GRID1: variants seen among roughly 807,000 people sequenced by gnomAD.
GRID1 encodes glutamate ionotropic receptor delta type subunit 1, also known as glutamate receptor ionotropic, delta-1.
Under a neutral mutation model 98.0 loss-of-function variants are expected in GRID1, and 28 were observed. The observed-to-expected ratio is 0.29, with a 90% CI of 0.21 to 0.39. GRID1 has a LOEUF of 0.39. Ranked by LOEUF, GRID1 falls within the 10% of genes least tolerant of loss-of-function variation. GRID1 has a pLI of 1.00. For missense variants in GRID1, 1,111 were observed against 1,340.5 expected, an observed-to-expected ratio of 0.83 and a Z score of 2.67; for synonymous variants, 553 against 538.5, an observed-to-expected ratio of 1.03 and a Z score of -0.37.
chr10:85,790,855 C>G (rs1842471921), intron 8 of GRID1, among the ~76,000 whole-genome samples: 1 of 152,150 alleles, frequency 6.6e-6, no homozygotes, highest in Non-Finnish European at 1.5e-5. Flanking sequence ...TGCACAGGAC[C>G]CTCTCTCCCC....
chr10:85,930,905 G>A lies in GRID1; in HGVS notation c.727-14666C>T, dbSNP rs146861474. On this transcript the variant is annotated intron_variant, in intron 4 of 15. Coordinates refer to ENST00000327946, the MANE Select transcript of GRID1 (RefSeq NM_017551.3). ...CATCCAGACTGGAGTGCAGTGGTGC[G>A]ATCATGACTCACTTCAGCCTTGACC... Among the ~76,000 whole-genome samples the A allele has an allele frequency of 3.3e-3, 502 of 152,090 alleles. 3 individuals carry two copies. Among genetic ancestry groups the A allele is most frequent in the African/African-American group, 0.011 (460 of 41,482 alleles).
At chr10:85,834,616 A>G (rs1480266179) in intron 8 of GRID1, among the ~76,000 whole-genome samples, 1 of 152,210 alleles carries the variant, frequency 6.6e-6, no homozygotes, top group Non-Finnish European at 1.5e-5. Flanking sequence ...GATACTCAGG[A>G]CAATGACATT....
chr10:86,365,139 G>T lies in GRID1; in HGVS notation c.80-1043C>A, dbSNP rs957964237. Among the ~76,000 whole-genome samples the T allele has an allele frequency of 1.3e-5, 2 of 151,932 alleles. No homozygotes were observed. Among genetic ancestry groups the T allele is most frequent in the African/African-American group, 4.8e-5 (2 of 41,344 alleles). On this transcript the variant is annotated intron_variant, in intron 1 of 15. Coordinates refer to ENST00000327946, the MANE Select transcript of GRID1 (RefSeq NM_017551.3). The surrounding 1 kb of genome is among the most constrained non-coding windows in gnomAD (Gnocchi z 4.8). ...GAGCCGGCGCCGCAATGCTGACCGC[G>T]AGACCCGCACCCCTCCAGGGCGGGA...
intron 3 of GRID1, among the ~76,000 whole-genome samples, chr10:86,165,146 AG>A (rs1845380409): frequency 6.6e-6 from 1 of 152,110 alleles, no homozygotes; most frequent in African/African-American, 2.4e-5. Flanking sequence ...TGACCAATAG[AG>A]GAAAAAAAAA....
At chr10:86,105,065 G>A (rs1384663845) in intron 4 of GRID1, among the ~76,000 whole-genome samples, 1 of 152,188 alleles carries the variant, frequency 6.6e-6, no homozygotes, top group Non-Finnish European at 1.5e-5. Flanking sequence ...ACACAAGTTT[G>A]GGATTTTTAA....
chr10:85,863,971 C>T (rs1454013532), intron 6 of GRID1, among the ~76,000 whole-genome samples: 1 of 152,220 alleles, frequency 6.6e-6, no homozygotes, highest in Non-Finnish European at 1.5e-5. Context: ...CCTCCCAACA[C>T]CAAAGCTGGA....
intron 4 of GRID1, among the ~76,000 whole-genome samples, chr10:85,985,247 G>T (rs191070109): frequency 1.4e-3 from 216 of 152,326 alleles, no homozygotes; most frequent in African/African-American, 4.8e-3. Context: ...CTCGGAGAGG[G>T]TTCATTGACT....
intron 4 of GRID1, among the ~76,000 whole-genome samples, chr10:86,000,650 TGCAAAA>T (rs1251630830): frequency 6.6e-6 from 1 of 152,174 alleles, no homozygotes; most frequent in Non-Finnish European, 1.5e-5. Context: ...TTAACAACAG[TGCAAAA>T]GCAATTCAAT....
At chr10:85,659,249 G>T (rs373180808) in intron 12 of GRID1, among the ~76,000 whole-genome samples, 1 of 152,206 alleles carries the variant, frequency 6.6e-6, no homozygotes, top group African/African-American at 2.4e-5. Flanking sequence ...ATACTCAAGG[G>T]CCCCAGGGCA....
chr10:86,284,377 C>A (rs1847399934), intron 2 of GRID1, among the ~76,000 whole-genome samples: 2 of 152,208 alleles, frequency 1.3e-5, no homozygotes, highest in Admixed American at 1.3e-4. Context: ...AGCAGCTCAG[C>A]CACCTCCTAA....
At chr10:86,095,154 GGAGGA>G (rs1427278435) in intron 4 of GRID1, among the ~76,000 whole-genome samples, 13 of 152,258 alleles carry the variant, frequency 8.5e-5, no homozygotes, top group Admixed American at 1.3e-4. Context: ...GCTAGTCACA[GGAGGA>G]GAGTGAAACT....
chr10:85,752,639 C>T (rs917480247), intron 8 of GRID1, among the ~76,000 whole-genome samples: 2 of 152,042 alleles, frequency 1.3e-5, no homozygotes, highest in Admixed American at 1.3e-4. Flanking sequence ...TTTAAATATT[C>T]TATTGCTAAC....
At chr10:86,142,948 A>C (rs1845030730) in intron 3 of GRID1, among the ~76,000 whole-genome samples, 1 of 152,270 alleles carries the variant, frequency 6.6e-6, no homozygotes, top group Non-Finnish European at 1.5e-5. Flanking sequence ...AGTACACAAG[A>C]ACATGCAAAC....
intron 12 of GRID1, among the ~76,000 whole-genome samples, chr10:85,691,932 G>A (rs962545705): frequency 6.6e-6 from 1 of 151,934 alleles, no homozygotes; most frequent in African/African-American, 2.4e-5. Flanking sequence ...TGCAGTCGGG[G>A]TCCCACTGCA....
intron 4 of GRID1, among the ~76,000 whole-genome samples, chr10:86,114,828 G>C (rs1264041594): frequency 6.6e-6 from 1 of 152,170 alleles, no homozygotes; most frequent in Non-Finnish European, 1.5e-5. Flanking sequence ...GCACAGAGCT[G>C]TGATGCCACA....
At chr10:85,659,951 C>T (rs1013561756) in intron 12 of GRID1, among the ~76,000 whole-genome samples, 1 of 152,234 alleles carries the variant, frequency 6.6e-6, no homozygotes, top group Admixed American at 6.5e-5. Context: ...TGTTCCAGGC[C>T]TGGATCTCCA....
intron 12 of GRID1, among the ~76,000 whole-genome samples, chr10:85,684,264 C>A (rs117271868): frequency 0.033 from 4,955 of 152,152 alleles, 128 homozygotes; most frequent in Middle Eastern, 0.048. Flanking sequence ...ACAATGTATA[C>A]CACTATCATA....
rs1841721051 is a variant in GRID1 at position 85,723,065 on chromosome 10, G to A, written c.1935C>T (p.Cys645=). ...CAGCAAGGTTGGCTGTGTAGGAGGAGCACACAATGAGCGTGAAGAGCCACC... is the reference window on the plus strand; with the variant it reads ...CAGCAAGGTTGGCTGTGTAGGAGGAACACACAATGAGCGTGAAGAGCCACC... ...GSWWLFTLIV[C]SSYTANLAAF... Residue 645 remains cysteine, a synonymous_variant, in exon 12 of 16, where the codon TGC becomes TGT. Coordinates refer to ENST00000327946, the MANE Select transcript of GRID1 (RefSeq NM_017551.3). 1.6e-5 allele frequency: 25 copies of A among 1,612,694 alleles called. No homozygotes were observed. The highest frequency in any genetic ancestry group is 1.9e-5 in the Non-Finnish European group (22 of 1,179,386).
intron 2 of GRID1, among the ~76,000 whole-genome samples, chr10:86,321,666 T>C (rs1396119052): frequency 6.6e-6 from 1 of 151,996 alleles, no homozygotes; most frequent in Non-Finnish European, 1.5e-5. Context: ...CCAAATCAAA[T>C]GTGAGGGTGG....
Sources: gnomAD v4.1 joint callset for allele counts (sites outside exome capture counted in the v4.1 genomes callset) on GRCh38, gnomAD v4.1.1 for gene constraint, Gnocchi (gnomAD v3.1) non-coding constraint, MANE v1.5 for transcripts, NCBI Gene and HGNC (gene_info 2026-07-23, HGNC 2026-07-21) for gene names.